The following ZNF609 variants were observed in gnomAD, a reference collection of about 807,000 sequenced individuals.
The protein encoded by ZNF609 is zinc finger protein 609.
A neutral mutation model predicts 109.5 loss-of-function variants in ZNF609; 11 were observed. That is an observed-to-expected ratio of 0.10 (90% CI 0.06 to 0.17). ZNF609 has a LOEUF of 0.17. Ranked by LOEUF, ZNF609 falls within the 10% of genes least tolerant of loss-of-function variation. The pLI is 1.00. For missense variants in ZNF609, 1,559 were observed against 1,772.4 expected, an observed-to-expected ratio of 0.88 and a Z score of 2.16; for synonymous variants, 646 against 662.0, an observed-to-expected ratio of 0.98 and a Z score of 0.37.
intron 3 of ZNF609, among the ~76,000 whole-genome samples, chr15:64,639,486 A>G (rs571860865): frequency 6.6e-6 from 1 of 152,250 alleles, no homozygotes; most frequent in Admixed American, 6.5e-5. Context: ...CTGGCAATCC[A>G]TAGTGTTCCT....
chr15:64,480,224 G>T (rs904203241), intron 1 of ZNF609, among the ~76,000 whole-genome samples: 3 of 149,670 alleles, frequency 2.0e-5, no homozygotes, highest in Non-Finnish European at 4.4e-5. Context: ...GGGCAACAGA[G>T]CAAGACTCCA....
intron 2 of ZNF609, among the ~76,000 whole-genome samples, chr15:64,608,883 C>T (rs1895658379): frequency 6.6e-6 from 1 of 152,094 alleles, no homozygotes; most frequent in East Asian, 1.9e-4. Flanking sequence ...GGACAACAGG[C>T]ATGTGCAACC....
At chr15:64,518,527 T>C (rs1187497997) in intron 2 of ZNF609, among the ~76,000 whole-genome samples, 1 of 152,204 alleles carries the variant, frequency 6.6e-6, no homozygotes, top group Non-Finnish European at 1.5e-5. Context: ...CAGAAAACTA[T>C]TGTTAGACTT....
At chr15:64,605,187 C>G (rs949173107) in intron 2 of ZNF609, among the ~76,000 whole-genome samples, 3 of 152,104 alleles carry the variant, frequency 2.0e-5, no homozygotes, top group Non-Finnish European at 2.9e-5. Flanking sequence ...AATGGCCTCT[C>G]GCAGCTTCAG....
chr15:64,598,400 GAC>G (rs1180880625), intron 2 of ZNF609, among the ~76,000 whole-genome samples: 2 of 152,162 alleles, frequency 1.3e-5, no homozygotes, highest in Non-Finnish European at 2.9e-5. Context: ...ACAGGCATGA[GAC>G]ACCACATCCA....
intron 1 of ZNF609, among the ~76,000 whole-genome samples, chr15:64,489,774 C>T (rs773980174): frequency 8.6e-5 from 13 of 151,906 alleles, no homozygotes; most frequent in Non-Finnish European, 1.2e-4. Context: ...GTGATCTGCC[C>T]GCCTCGGCCT....
At chr15:64,672,857 G>A (rs1896755658) in intron 4 of ZNF609, among the ~76,000 whole-genome samples, 1 of 151,458 alleles carries the variant, frequency 6.6e-6, no homozygotes, top group South Asian at 2.1e-4. Context: ...CCAGCTACTC[G>A]GGAGCCTGAG....
chr15:64,485,036 C>T (rs573519021), intron 1 of ZNF609, among the ~76,000 whole-genome samples: 1 of 152,238 alleles, frequency 6.6e-6, no homozygotes, highest in South Asian at 2.1e-4. Context: ...ACTTAGTGTA[C>T]TGCCACGGAA....
chr15:64,648,160 G>A (rs1453542915), intron 3 of ZNF609, among the ~76,000 whole-genome samples: 1 of 152,164 alleles, frequency 6.6e-6, no homozygotes, highest in Admixed American at 6.5e-5. Flanking sequence ...AACCAAGAAA[G>A]TGTAATCTTA....
chr15:64,632,073 C>T (rs752504780), intron 3 of ZNF609, among the ~76,000 whole-genome samples: 4 of 152,078 alleles, frequency 2.6e-5, no homozygotes, highest in Non-Finnish European at 4.4e-5. Flanking sequence ...TCTTTCAAGA[C>T]GGGAGTGCAG....
At chr15:64,628,566 G>T (rs1448360440) in intron 3 of ZNF609, among the ~76,000 whole-genome samples, 3 of 152,080 alleles carry the variant, frequency 2.0e-5, no homozygotes, top group African/African-American at 7.2e-5. Context: ...ATGAACCCAG[G>T]AGGCAGAGGT....
At chr15:64,510,242 T>C (rs1893704148) in intron 2 of ZNF609, among the ~76,000 whole-genome samples, 1 of 151,610 alleles carries the variant, frequency 6.6e-6, no homozygotes, top group Non-Finnish European at 1.5e-5. Context: ...TCTCCCTCTG[T>C]TGCCTAGGCT....
At chr15:64,567,740 C>T (rs1054570333) in intron 2 of ZNF609, among the ~76,000 whole-genome samples, 1 of 151,512 alleles carries the variant, frequency 6.6e-6, no homozygotes, top group African/African-American at 2.4e-5. Context: ...CGGCTCACTG[C>T]GACCTCTGTC....
chr15:64,497,582 G>T (rs1238395550), intron 1 of ZNF609, among the ~76,000 whole-genome samples: 1 of 152,154 alleles, frequency 6.6e-6, no homozygotes, highest in Non-Finnish European at 1.5e-5. Context: ...CTACTGGCTT[G>T]TTCTTTCTAC....
At chr15:64,582,680 C>T (rs934947406) in intron 2 of ZNF609, among the ~76,000 whole-genome samples, 77 of 150,004 alleles carry the variant, frequency 5.1e-4, no homozygotes, top group Non-Finnish European at 2.7e-4. Flanking sequence ...AGCAATCCTA[C>T]ATTTCCCTAT....
At chr15:64,465,685 G>GT (rs962544246) in intron 1 of ZNF609, among the ~76,000 whole-genome samples, 3 of 151,742 alleles carry the variant, frequency 2.0e-5, no homozygotes, top group African/African-American at 4.8e-5. Context: ...CCTGCCAGTT[G>GT]TTTTTTTCAA....
chr15:64,676,073 C>G lies in ZNF609; in HGVS notation c.3219C>G (p.Asp1073Glu). The change falls in exon 5 of 10, where the codon GAC (aspartate) becomes GAG (glutamate). Residue 1073 changes from aspartate (D) to glutamate (E), a missense_variant. This residue lies in a region of ZNF609 where 1,204 missense variants were observed against 1,314.1 expected (regional missense o/e 0.92). Coordinates refer to ENST00000326648, the MANE Select transcript of ZNF609 (RefSeq NM_015042.2). ...GPGKAKEPGA[D>E]PAKSVIIPKL... ...GCAAGGCCAAGGAGCCAGGGGCTGA[C>G]CCAGCCAAATCAGTCATCATTCCCA... 3 of 1,614,218 alleles carry G rather than the reference C, an allele frequency of 1.9e-6. No homozygotes were observed. Among genetic ancestry groups the G allele is most frequent in the Non-Finnish European group, 2.5e-6 (3 of 1,180,040 alleles).
At position 64,594,271 on chromosome 15, in the gene ZNF609, G is replaced by GT. The variant is rs200391184; in HGVS notation, c.748-28548dup. On this transcript the variant is annotated intron_variant, in intron 2 of 9. Coordinates refer to ENST00000326648, the MANE Select transcript of ZNF609 (RefSeq NM_015042.2). The stretch of plus-strand genomic sequence containing the variant: ...CTACATATGCACTATGTTTTGTTTT[G>GT]TTTTTTTTGTTTGTTTGTTTTAAAT... 7.2e-3 allele frequency among the ~76,000 whole-genome samples: 1,087 copies of GT among 151,656 alleles called. 9 individuals carry two copies. Among genetic ancestry groups the GT allele is most frequent in the African/African-American group, 0.019 (795 of 41,350 alleles).
chr15:64,636,377 C>G (rs180724868), intron 3 of ZNF609, among the ~76,000 whole-genome samples: 1 of 152,162 alleles, frequency 6.6e-6, no homozygotes, highest in South Asian at 2.1e-4. Context: ...CACCCCTCCC[C>G]GAAGTTGTAC....
Sources: allele counts gnomAD v4.1 joint callset (sites outside exome capture counted in the v4.1 genomes callset), GRCh38; gene constraint gnomAD v4.1.1; regional missense constraint gnomAD v4.1.1; transcripts MANE v1.5; gene names NCBI Gene and HGNC (gene_info 2026-07-23, HGNC 2026-07-21).